The following RNF220 variants were observed in gnomAD, a reference collection of about 807,000 sequenced individuals.
RNF220 encodes E3 ubiquitin-protein ligase RNF220.
RNF220 carries 7 observed loss-of-function variants against 67.1 expected under a neutral mutation model. The ratio of observed to expected loss-of-function variants is 0.10; its 90% CI spans 0.06 to 0.20. The LOEUF is 0.20. Among genes scored for constraint, RNF220 ranks in the 10% least tolerant of loss-of-function variants. The pLI, the probability that RNF220 is intolerant of heterozygous loss-of-function variation, is 1.00. For missense variants in RNF220, 565 were observed against 740.3 expected, an observed-to-expected ratio of 0.76 and a Z score of 2.75; for synonymous variants, 270 against 283.2, an observed-to-expected ratio of 0.95 and a Z score of 0.47.
chr1:44,619,471 G>C (rs913340081), intron 3 of RNF220, among the ~76,000 whole-genome samples: 1 of 152,190 alleles, frequency 6.6e-6, no homozygotes, highest in African/African-American at 2.4e-5. Flanking sequence ...AGATTAAAAC[G>C]AAGTGTAACT....
At chr1:44,529,760 T>C (rs989050661) in intron 2 of RNF220, among the ~76,000 whole-genome samples, 1 of 152,028 alleles carries the variant, frequency 6.6e-6, no homozygotes, top group Non-Finnish European at 1.5e-5. Context: ...CTTTACACAA[T>C]AAAATAAGCA....
At chr1:44,629,062 T>C (rs1644039336) in intron 5 of RNF220, among the ~76,000 whole-genome samples, 1 of 152,250 alleles carries the variant, frequency 6.6e-6, no homozygotes, top group Non-Finnish European at 1.5e-5. Context: ...AAGTCTAAAA[T>C]GGCCTCACCG....
chr1:44,448,947 G>A (rs951357243), intron 2 of RNF220, among the ~76,000 whole-genome samples: 2 of 152,156 alleles, frequency 1.3e-5, no homozygotes, highest in African/African-American at 4.8e-5. Context: ...CTCTCTCCTA[G>A]GCTTGACTCT....
chr1:44,519,778 A>G (rs1242357900), intron 2 of RNF220, among the ~76,000 whole-genome samples: 2 of 152,164 alleles, frequency 1.3e-5, no homozygotes, highest in Middle Eastern at 3.2e-3. Context: ...TGTGACTCAC[A>G]GTAGGATGTG....
rs76961819 is a variant in RNF220 at position 44,448,652 on chromosome 1, A to C, written c.625+35930A>C. Among the ~76,000 whole-genome samples the C allele has an allele frequency of 2.7e-3, 411 of 152,372 alleles. 15 individuals are homozygous for C. The East Asian group carries it at 0.073, about 27-fold the overall frequency. On this transcript the variant is annotated intron_variant, in intron 2 of 14. Coordinates refer to ENST00000361799, the MANE Select transcript of RNF220 (RefSeq NM_018150.4). ...TCCTTGAGATTTAGGAAACTTCTCA[A>C]GCATTTAATCAACAAACATGTCTTG...
intron 2 of RNF220, among the ~76,000 whole-genome samples, chr1:44,562,306 C>T (rs924708703): frequency 2.6e-5 from 4 of 152,064 alleles, no homozygotes; most frequent in African/African-American, 4.8e-5. Flanking sequence ...CAGGGGGACC[C>T]GGAGCAGTGC....
In RNF220 at chr1:44,502,157, T is replaced by TCTCA. The variant is rs1347212539; in HGVS notation, c.625+89436_625+89437insTCAC. Among the ~76,000 whole-genome samples, 187 of 144,190 alleles carry TCTCA rather than the reference T, an allele frequency of 1.3e-3. 3 individuals carry two copies. Among genetic ancestry groups the TCTCA allele is most frequent in the African/African-American group, 4.5e-3 (175 of 38,716 alleles). 94.6% of individuals were successfully genotyped at this position (144,190 alleles called of 152,430 possible). The stretch of plus-strand genomic sequence containing the variant: ...TTGTCTCTCTCTCTCTCTCTCTCTC[T>TCTCA]CACACACACACACACACACACACAC... On this transcript the variant is annotated intron_variant, in intron 2 of 14. Coordinates refer to ENST00000361799, the MANE Select transcript of RNF220 (RefSeq NM_018150.4).
chr1:44,581,280 G>T (rs1665259442), intron 2 of RNF220, among the ~76,000 whole-genome samples: 1 of 152,212 alleles, frequency 6.6e-6, no homozygotes, highest in Admixed American at 6.5e-5. Flanking sequence ...ATTTGGAAAA[G>T]GTCACTTCTC....
chr1:44,608,090 A>AT (rs753583969), intron 2 of RNF220, among the ~76,000 whole-genome samples: 2 of 151,974 alleles, frequency 1.3e-5, no homozygotes, highest in Non-Finnish European at 2.9e-5. Flanking sequence ...CAGCTGGCTA[A>AT]TTTTTTAATT....
At chr1:44,449,664 T>G (rs1234378771) in intron 2 of RNF220, among the ~76,000 whole-genome samples, 3 of 152,238 alleles carry the variant, frequency 2.0e-5, no homozygotes, top group Non-Finnish European at 4.4e-5. Flanking sequence ...TCCGCTCCCC[T>G]AGGCCTCCCA....
chr1:44,584,497 G>A (rs2148352807), intron 2 of RNF220, among the ~76,000 whole-genome samples: 1 of 152,276 alleles, frequency 6.6e-6, no homozygotes, highest in East Asian at 1.9e-4. Flanking sequence ...CTGCACTCAG[G>A]AAAGCCTAGC....
intron 2 of RNF220, among the ~76,000 whole-genome samples, chr1:44,460,541 G>A (rs999542807): frequency 6.6e-6 from 1 of 152,214 alleles, no homozygotes; most frequent in Non-Finnish European, 1.5e-5. Flanking sequence ...AAAAAACAGG[G>A]TAAAATGGGA....
At chr1:44,469,558 A>G (rs1466070860) in intron 2 of RNF220, among the ~76,000 whole-genome samples, 2 of 138,322 alleles carry the variant, frequency 1.4e-5, no homozygotes, top group Non-Finnish European at 1.6e-5. Context: ...TTATTGGTAT[A>G]TTATTCATTC....
chr1:44,450,239 C>T (rs140742967), intron 2 of RNF220, among the ~76,000 whole-genome samples: 2,463 of 152,198 alleles, frequency 0.016, 38 homozygotes, highest in South Asian at 0.048. Context: ...AGTGATTTCC[C>T]GTCCTCTTTT....
At chr1:44,590,227 G>C (rs1666018439) in intron 2 of RNF220, among the ~76,000 whole-genome samples, 1 of 152,244 alleles carries the variant, frequency 6.6e-6, no homozygotes, top group African/African-American at 2.4e-5. Flanking sequence ...AGAAGGACCA[G>C]CCTTCCAGGC....
intron 2 of RNF220, among the ~76,000 whole-genome samples, chr1:44,520,800 C>T (rs1283954590): frequency 1.3e-5 from 2 of 152,168 alleles, no homozygotes; most frequent in African/African-American, 2.4e-5. Context: ...CTTTGTATCC[C>T]CGACATCAGG....
chr1:44,623,895 C>G (rs992756233), intron 4 of RNF220, among the ~76,000 whole-genome samples: 1 of 152,122 alleles, frequency 6.6e-6, no homozygotes, highest in Admixed American at 6.5e-5. Context: ...AGAAGGGGCC[C>G]GTTGTATTTA....
At chr1:44,567,271 C>T (rs960985675) in intron 2 of RNF220, among the ~76,000 whole-genome samples, 2 of 152,034 alleles carry the variant, frequency 1.3e-5, no homozygotes, top group Non-Finnish European at 2.9e-5. Context: ...TTGCTTATTA[C>T]AGTGACCCCA....
At chr1:44,432,358 C>A (rs541746026) in intron 2 of RNF220, among the ~76,000 whole-genome samples, 1 of 146,778 alleles carries the variant, frequency 6.8e-6, no homozygotes, top group African/African-American at 2.5e-5. Flanking sequence ...GCAACCTCCA[C>A]CCCCCAGGTT....
Sources: allele counts gnomAD v4.1 joint callset (sites outside exome capture counted in the v4.1 genomes callset), GRCh38; gene constraint gnomAD v4.1.1; transcripts MANE v1.5; gene names NCBI Gene and HGNC (gene_info 2026-07-23, HGNC 2026-07-21).